The following SCFD2 variants were observed in gnomAD, a reference collection of about 807,000 sequenced individuals.
The protein encoded by SCFD2 is sec1 family domain containing 2.
In SCFD2, 54 loss-of-function variants were observed where a neutral mutation model predicts 58.9. That is an observed-to-expected ratio of 0.92 (90% CI 0.74 to 1.15). The LOEUF (loss-of-function observed/expected upper bound fraction) is 1.15, where lower values mean the gene tolerates loss of function less well. SCFD2 is among the 50% of genes most tolerant of loss of function. The probability of loss-of-function intolerance (pLI) is 0.00; values close to 1 mark genes in which losing one functional copy is unlikely to be tolerated. For missense variants in SCFD2, 805 were observed against 836.6 expected (o/e 0.96, Z 0.47); for synonymous variants, 321 against 335.9 (o/e 0.96, Z 0.49).
intron 5 of SCFD2, among the ~76,000 whole-genome samples, chr4:52,946,078 T>G (rs1288776369): frequency 1.3e-5 from 2 of 152,170 alleles, no homozygotes; most frequent in African/African-American, 2.4e-5. Flanking sequence ...AAATAGGTTA[T>G]TTGCAAAAAA....
chr4:53,090,389 A>T (rs1475982350), intron 5 of SCFD2, among the ~76,000 whole-genome samples: 1 of 152,244 alleles, frequency 6.6e-6, no homozygotes, highest in Non-Finnish European at 1.5e-5. Flanking sequence ...AAAGGTAACC[A>T]GGAGGGGACA....
intron 4 of SCFD2, among the ~76,000 whole-genome samples, chr4:53,195,279 G>T (rs1728028253): frequency 6.6e-6 from 1 of 152,210 alleles, no homozygotes; most frequent in African/African-American, 2.4e-5. Context: ...ATTATTAGGA[G>T]TAGTAGTAGT....
intron 8 of SCFD2, among the ~76,000 whole-genome samples, chr4:52,878,186 C>T (rs767419854): frequency 6.9e-4 from 105 of 152,184 alleles, no homozygotes; most frequent in Non-Finnish European, 1.1e-3. Context: ...TTCATTGTTT[C>T]TTAGCACAGT....
At chr4:53,310,788 T>C (rs1351945234) in intron 3 of SCFD2, among the ~76,000 whole-genome samples, 2 of 152,236 alleles carry the variant, frequency 1.3e-5, no homozygotes, top group Non-Finnish European at 2.9e-5. Context: ...AACATGAATT[T>C]ACCTTGTACT....
chr4:53,191,696 C>T (rs573136505), intron 4 of SCFD2, among the ~76,000 whole-genome samples: 1 of 152,264 alleles, frequency 6.6e-6, no homozygotes, highest in South Asian at 2.1e-4. Context: ...TGAGCCACCG[C>T]GCCTGGCTGG....
chr4:53,274,048 C>A, intron 3 of SCFD2, 47 bp from the exon 4 acceptor site: 1 of 1,483,006 alleles, frequency 6.7e-7, no homozygotes, highest in South Asian at 1.4e-5. Flanking sequence ...GGGAATAGTA[C>A]AAATAATGAG....
chr4:53,284,576 C>T (rs570815632), intron 3 of SCFD2, among the ~76,000 whole-genome samples: 2 of 152,082 alleles, frequency 1.3e-5, no homozygotes, highest in African/African-American at 4.8e-5. Flanking sequence ...CTCTGGGAAA[C>T]TTGACTTTAT....
chr4:53,089,948 T>G (rs1724423932), intron 5 of SCFD2, among the ~76,000 whole-genome samples: 1 of 152,220 alleles, frequency 6.6e-6, no homozygotes, highest in African/African-American at 2.4e-5. Context: ...AAATTAATTT[T>G]AAAGACATCT....
At chr4:53,155,291 A>C (rs1196949234) in intron 4 of SCFD2, among the ~76,000 whole-genome samples, 1 of 152,162 alleles carries the variant, frequency 6.6e-6, no homozygotes, top group Admixed American at 6.5e-5. Context: ...TTAAGAGATA[A>C]TTAGGCCATA....
intron 4 of SCFD2, among the ~76,000 whole-genome samples, chr4:53,185,139 A>G (rs1374154119): frequency 6.6e-6 from 1 of 152,154 alleles, no homozygotes; most frequent in Non-Finnish European, 1.5e-5. Flanking sequence ...TCCAAAGAGA[A>G]ATATAGAGAG....
chr4:53,116,473 A>C (rs1725322765), intron 5 of SCFD2, among the ~76,000 whole-genome samples: 1 of 152,198 alleles, frequency 6.6e-6, no homozygotes, highest in Non-Finnish European at 1.5e-5. Flanking sequence ...TTATTGGTAG[A>C]AGTAAATCAC....
chr4:52,903,593 G>A (rs1426444698), intron 7 of SCFD2, among the ~76,000 whole-genome samples: 3 of 152,192 alleles, frequency 2.0e-5, no homozygotes, highest in African/African-American at 7.2e-5. Context: ...TACAGGTGCC[G>A]ACCGCTGAGG....
chr4:52,909,396 A>G lies in SCFD2; in HGVS notation c.1708-1805T>C, dbSNP rs138632732. The stretch of plus-strand genomic sequence containing the variant: ...TGCTTGTGTGGCAGAAACAAGGTAC[A>G]GAATAGTGTGTGAATGAAAAAAGCA... On this transcript the variant is annotated intron_variant, in intron 6 of 8. Transcript: ENST00000401642. Among the ~76,000 whole-genome samples the G allele has an allele frequency of 2.2e-3, 332 of 152,346 alleles. 1 individual carries two copies. Among genetic ancestry groups the G allele is most frequent in the Middle Eastern group, 0.01 (3 of 294 alleles).
At chr4:52,936,585 A>G (rs915254836) in intron 5 of SCFD2, among the ~76,000 whole-genome samples, 3 of 152,120 alleles carry the variant, frequency 2.0e-5, no homozygotes, top group Admixed American at 2.0e-4. Context: ...CTGTCTGCCA[A>G]CTCAGTTTTC....
intron 1 of SCFD2, among the ~76,000 whole-genome samples, chr4:53,361,079 T>C (rs868263017): frequency 6.6e-6 from 1 of 152,162 alleles, no homozygotes; most frequent in African/African-American, 2.4e-5. Context: ...TTCGCTAACT[T>C]AACCATTCAT....
At chr4:52,938,844 TGTTCAGCAATATA>T (rs1412913938) in intron 5 of SCFD2, among the ~76,000 whole-genome samples, 1 of 152,182 alleles carries the variant, frequency 6.6e-6, no homozygotes, top group Non-Finnish European at 1.5e-5. Context: ...TCGTCATCGG[TGTTCAGCAATATA>T]CCAGTTCTCC....
intron 5 of SCFD2, among the ~76,000 whole-genome samples, chr4:53,117,271 G>A (rs1725351274): frequency 6.6e-6 from 1 of 152,094 alleles, no homozygotes; most frequent in Non-Finnish European, 1.5e-5. Flanking sequence ...AGAGCAGCTT[G>A]GAGTAAGACA....
Position 53,138,411 on chromosome 4 carries a change from G to A in SCFD2, c.1561+6922C>T, listed in dbSNP as rs563132412. Among the ~76,000 whole-genome samples, 6 of 152,054 alleles carry A rather than the reference G, an allele frequency of 3.9e-5. No individual in the cohort carries two copies. In the East Asian group the frequency reaches 1.2e-3, roughly 29 times the overall value. ...TCTTTAAAAATAGTGTTTTGATTTC[G>A]TTCTCTGAAGAAAATTCAAATGGTT... On this transcript the variant is annotated intron_variant, in intron 5 of 8. Coordinates refer to ENST00000401642, the MANE Select transcript of SCFD2 (RefSeq NM_152540.4).
intron 6 of SCFD2, among the ~76,000 whole-genome samples, chr4:52,917,346 G>A (rs1363680999): frequency 6.6e-6 from 1 of 152,194 alleles, no homozygotes; most frequent in Non-Finnish European, 1.5e-5. Context: ...CACACAGTTA[G>A]TAGAGGGGAC....
Sources: gnomAD v4.1 joint callset for allele counts (sites outside exome capture counted in the v4.1 genomes callset) on GRCh38, gnomAD v4.1.1 for gene constraint, MANE v1.5 for transcripts, NCBI Gene and HGNC (gene_info 2026-07-23, HGNC 2026-07-21) for gene names.